Variants in GABPB2 observed in about 807,000 individuals in gnomAD.
GABPB2 encodes the protein GA-binding protein subunit beta-2.
In GABPB2, 23 loss-of-function variants were observed where a neutral mutation model predicts 39.1. The observed-to-expected ratio is 0.59, with a 90% CI of 0.42 to 0.83. GABPB2 has a LOEUF of 0.83. Ranked by LOEUF, GABPB2 falls within the 40% of genes least tolerant of loss-of-function variation. The probability of loss-of-function intolerance (pLI) is 0.00; values close to 1 mark genes in which losing one functional copy is unlikely to be tolerated. For synonymous variants in GABPB2, 184 were observed against 199.3 expected (o/e 0.92, Z 0.65); for missense variants, 467 against 541.1 (o/e 0.86, Z 1.36).
intron 6 of GABPB2, 74 bp from the exon 7 acceptor site, chr1:151,106,963 C>T (rs911958422): frequency 1.0e-6 from 1 of 973,862 alleles, no homozygotes; most frequent in South Asian, 2.0e-5. Flanking sequence ...TTGTCAGGTT[C>T]AAGGAGGTTG....
In GABPB2 at chr1:151,122,501, T is replaced by C. The variant is rs1681219051; in HGVS notation, c.*4245T>C. The C allele has an allele frequency of 6.6e-6, 1 of 152,138 alleles. No homozygotes were observed. Among genetic ancestry groups the C allele is most frequent in the Non-Finnish European group, 1.5e-5 (1 of 68,018 alleles). 9.4% of individuals were successfully genotyped at this position (152,138 alleles called of 1,614,324 possible). A position where few individuals can be genotyped will look rare whatever the true frequency, so the allele number is the denominator to read the frequency against. On this transcript the variant is annotated 3_prime_UTR_variant, in exon 9 of 9. Coordinates refer to ENST00000368918, the MANE Select transcript of GABPB2 (RefSeq NM_144618.3). ...GAGGAACCAAGTATCATTTTAGATA[T>C]CTTTTATTTATGTTCTCGGTGCATA...
intron 1 of GABPB2, among the ~76,000 whole-genome samples, chr1:151,080,407 A>G (rs1437821407): frequency 2.0e-5 from 3 of 149,944 alleles, no homozygotes; most frequent in African/African-American, 7.4e-5. Flanking sequence ...GGTACTCGGG[A>G]GGCTGAGGCA....
At chr1:151,082,940 C>T (rs1432198414) in intron 1 of GABPB2, among the ~76,000 whole-genome samples, 1 of 150,182 alleles carries the variant, frequency 6.7e-6, no homozygotes, top group African/African-American at 2.5e-5. Flanking sequence ...CATACCACTG[C>T]ACTCTAGCCT....
chr1:151,121,161 AAG>A lies in GABPB2; in HGVS notation c.*2906_*2907del, dbSNP rs890732205. On this transcript the variant is annotated 3_prime_UTR_variant, in exon 9 of 9. Coordinates refer to ENST00000368918, the MANE Select transcript of GABPB2 (RefSeq NM_144618.3). ...ATCTTATCCTCTTATGTGCAACAAA[AAG>A]GGGGTCGGAGGTAAATGCTGATGAT... 3.3e-5 allele frequency: 5 copies of A among 152,224 alleles called. No homozygotes were observed. Among genetic ancestry groups the A allele is most frequent in the Non-Finnish European group, 5.9e-5 (4 of 68,054 alleles). 9.4% of individuals were successfully genotyped at this position (152,224 alleles called of 1,614,324 possible). A position where few individuals can be genotyped will look rare whatever the true frequency, so the allele number is the denominator to read the frequency against.
Position 151,117,373 on chromosome 1 carries a change from G to A in GABPB2, c.923-19G>A. 1 of 1,608,362 alleles carries A rather than the reference G, an allele frequency of 6.2e-7. No individual in the cohort carries two copies. The highest frequency in any genetic ancestry group is 2.2e-5 in the East Asian group (1 of 44,838). On this transcript the variant is annotated intron_variant, in intron 7 of 8. Transcript: ENST00000368918. ...TATTATGCATTCATCACCTCCAATTGGTGTCCTTTGACTTGTAGTTCTAAC... is the reference window on the plus strand; with the variant it reads ...TATTATGCATTCATCACCTCCAATTAGTGTCCTTTGACTTGTAGTTCTAAC...
At chr1:151,111,406 C>T (rs1315300596) in intron 7 of GABPB2, among the ~76,000 whole-genome samples, 1 of 146,376 alleles carries the variant, frequency 6.8e-6, no homozygotes, top group Non-Finnish European at 1.5e-5. Context: ...CACCGCCCCC[C>T]ACTAATTTTT....
chr1:151,081,937 G>A lies in GABPB2; in HGVS notation c.1-6253G>A, dbSNP rs587668716. ...CAGGCGTGAGCCACCGCACCCAGTT[G>A]ATAGCTTCATTCTTATATCTACTTC... On this transcript the variant is annotated intron_variant, in intron 1 of 8. Coordinates refer to ENST00000368918, the MANE Select transcript of GABPB2 (RefSeq NM_144618.3). 2.6e-5 allele frequency among the ~76,000 whole-genome samples: 4 copies of A among 151,240 alleles called. No individual in the cohort carries two copies. In the East Asian group the frequency reaches 7.9e-4, roughly 30 times the overall value.
chr1:151,114,801 G>A (rs1680730714), intron 7 of GABPB2, among the ~76,000 whole-genome samples: 1 of 152,030 alleles, frequency 6.6e-6, no homozygotes, highest in South Asian at 2.1e-4. Context: ...CCTGAGATCA[G>A]GAGTTTGAGA....
At position 151,103,645 on chromosome 1, in the gene GABPB2, G is replaced by T; in HGVS notation, c.706G>T (p.Val236Phe). The T allele has an allele frequency of 6.2e-7, 1 of 1,613,936 alleles. No individual in the cohort carries two copies. Among genetic ancestry groups the T allele is most frequent in the Non-Finnish European group, 8.5e-7 (1 of 1,179,850 alleles). The change falls in exon 6 of 9, where the codon GTC (valine) becomes TTC (phenylalanine). Residue 236 changes from valine (V) to phenylalanine (F), a missense_variant. Transcript: ENST00000368918. Reference protein sequence around the residue: ...ATLAALAEASVPLSNSHRATA... With the variant: ...ATLAALAEASFPLSNSHRATA... ...CCTTGCAGCTCTTGCTGAGGCATCAGTCCCCCTCTCCAACTCACACAGAGC... is the reference window on the plus strand; with the variant it reads ...CCTTGCAGCTCTTGCTGAGGCATCATTCCCCCTCTCCAACTCACACAGAGC...
chr1:151,100,734 C>T (rs1301873604), intron 5 of GABPB2, among the ~76,000 whole-genome samples: 2 of 150,610 alleles, frequency 1.3e-5, no homozygotes, highest in East Asian at 2.0e-4. Context: ...GATACTGGTG[C>T]CTGCCACCAC....
At chr1:151,076,542 G>C (rs1240408512) in intron 1 of GABPB2, among the ~76,000 whole-genome samples, 1 of 151,948 alleles carries the variant, frequency 6.6e-6, no homozygotes, top group Non-Finnish European at 1.5e-5. Context: ...CAATTCTCCT[G>C]CATCAGCCTC....
At chr1:151,099,712 A>T (rs1679372931) in intron 5 of GABPB2, among the ~76,000 whole-genome samples, 1 of 152,228 alleles carries the variant, frequency 6.6e-6, no homozygotes, top group Non-Finnish European at 1.5e-5. Flanking sequence ...GAAGCAATGT[A>T]TGTGATATAC....
At chr1:151,090,713 T>A in intron 3 of GABPB2, 140 bp downstream of exon 3, 4 of 803,260 alleles carry the variant, frequency 5.0e-6, no homozygotes, top group Non-Finnish European at 7.7e-6. Context: ...TCTCCAGGAG[T>A]CTTCATGGCA....
chr1:151,103,081 GCT>G (rs1679670718), intron 5 of GABPB2, among the ~76,000 whole-genome samples: 1 of 120,362 alleles, frequency 8.3e-6, no homozygotes, highest in Non-Finnish European at 1.6e-5. Context: ...AAGGAGTCTC[GCT>G]CTGTCGCCCA....
chr1:151,087,170 T>C (rs1352800984), intron 1 of GABPB2, among the ~76,000 whole-genome samples: 5 of 151,598 alleles, frequency 3.3e-5, no homozygotes, highest in Non-Finnish European at 7.4e-5. Context: ...TTGTATTTTT[T>C]GTGAGACGGT....
intron 1 of GABPB2, among the ~76,000 whole-genome samples, chr1:151,086,366 C>T (rs1267331721): frequency 6.6e-6 from 1 of 152,112 alleles, no homozygotes; most frequent in Non-Finnish European, 1.5e-5. Context: ...CCAGGACACT[C>T]CTAAGTAGAA....
intron 6 of GABPB2, among the ~76,000 whole-genome samples, chr1:151,105,907 AT>A (rs747592238): frequency 2.0e-5 from 3 of 152,150 alleles, no homozygotes; most frequent in Non-Finnish European, 4.4e-5. Flanking sequence ...TGAATTCACT[AT>A]TAAATATCCC....
At position 151,090,494 on chromosome 1, in the gene GABPB2, C is replaced by T; in HGVS notation, c.197C>T (p.Ala66Val). Reference sequence around the variant, plus strand: ...CTTCGAGCAGGTGTTAGCAGGGATGCCCGGACTAAAGTAGACAGGACCCCC... The same window carrying T: ...CTTCGAGCAGGTGTTAGCAGGGATGTCCGGACTAAAGTAGACAGGACCCCC... ...VLLRAGVSRD[A>V]RTKVDRTPLH... The change falls in exon 3 of 9, where the codon GCC (alanine) becomes GTC (valine). Residue 66 changes from alanine to valine, a missense_variant. Transcript: ENST00000368918. 1 of 1,614,014 alleles carries T rather than the reference C, an allele frequency of 6.2e-7. No homozygotes were observed. The highest frequency in any genetic ancestry group is 1.1e-5 in the South Asian group (1 of 91,082).
intron 6 of GABPB2, among the ~76,000 whole-genome samples, chr1:151,104,787 T>TTCTC (rs1679809414): frequency 1.8e-5 from 1 of 55,252 alleles, no homozygotes. Flanking sequence ...CTTTCTTTCT[T>TTCTC]TCTTTCTTTC....
Sources: allele counts gnomAD v4.1 joint callset (sites outside exome capture counted in the v4.1 genomes callset), GRCh38; gene constraint gnomAD v4.1.1; transcripts MANE v1.5; gene names NCBI Gene and HGNC (gene_info 2026-07-23, HGNC 2026-07-21).